The following TIAM2 variants were observed in gnomAD, a reference collection of about 807,000 sequenced individuals.
TIAM2 encodes rho guanine nucleotide exchange factor TIAM2.
In TIAM2, 80 loss-of-function variants were observed where a neutral mutation model predicts 152.9. The ratio of observed to expected loss-of-function variants is 0.52; its 90% CI spans 0.44 to 0.63. The LOEUF is 0.63. Ranked by LOEUF, TIAM2 falls within the 30% of genes least tolerant of loss-of-function variation. The probability of loss-of-function intolerance (pLI) is 0.00; values close to 1 mark genes in which losing one functional copy is unlikely to be tolerated. For synonymous variants in TIAM2, 804 were observed against 838.0 expected (o/e 0.96, Z 0.70); for missense variants, 1,965 against 2,120.1 (o/e 0.93, Z 1.44).
In TIAM2 at chr6:155,076,848, G is replaced by A. The variant is rs141617338; in HGVS notation, c.-208-13441G>A. On this transcript the variant is annotated intron_variant, in intron 1 of 26. Coordinates refer to ENST00000682666, the MANE Select transcript of TIAM2 (RefSeq NM_012454.4). ...GTAGCTGGGATTACATGCGTGTACC[G>A]CCATGCCTGGCTAATTTTTGTATTT... Among the ~76,000 whole-genome samples the A allele has an allele frequency of 1.9e-3, 295 of 152,124 alleles. 15 individuals are homozygous for A. The East Asian group carries it at 0.054, about 28-fold the overall frequency.
At chr6:155,236,835 G>T (rs1337908059) in intron 15 of TIAM2, among the ~76,000 whole-genome samples, 1 of 152,088 alleles carries the variant, frequency 6.6e-6, no homozygotes, top group Non-Finnish European at 1.5e-5. Context: ...CTCCCACTGG[G>T]CCCCTCCCAC....
intron 2 of TIAM2, among the ~76,000 whole-genome samples, chr6:155,112,782 T>G (rs574880815): frequency 1.3e-5 from 2 of 152,260 alleles, no homozygotes; most frequent in East Asian, 3.9e-4. Flanking sequence ...GGAATCATCC[T>G]TGGTGTCACT....
At chr6:155,252,888 C>T (rs1783753986) in intron 23 of TIAM2, 60 bp from the exon 24 acceptor site, 3 of 1,458,442 alleles carry the variant, frequency 2.1e-6, no homozygotes. Context: ...TCACTGTGCA[C>T]ACATCCTCCC....
chr6:155,004,977 T>A, intron 1 of TIAM2: 1 of 352,470 alleles, frequency 2.8e-6, no homozygotes. Flanking sequence ...AGGCAGGCCT[T>A]CACTTACCTT....
chr6:155,201,516 G>A (rs1356833119), intron 14 of TIAM2, among the ~76,000 whole-genome samples: 1 of 152,180 alleles, frequency 6.6e-6, no homozygotes, highest in African/African-American at 2.4e-5. Context: ...CATTGACTGT[G>A]TATTTTTCAC....
chr6:155,159,025 TAAACTA>T (rs953559304), intron 7 of TIAM2, among the ~76,000 whole-genome samples: 36 of 152,338 alleles, frequency 2.4e-4, no homozygotes, highest in African/African-American at 8.4e-4. Flanking sequence ...ACTGAATCTC[TAAACTA>T]ACATACATAA....
intron 1 of TIAM2, among the ~76,000 whole-genome samples, chr6:155,045,058 T>C (rs1166256402): frequency 6.7e-6 from 1 of 148,760 alleles, no homozygotes. Flanking sequence ...TTCTTTTTTT[T>C]TTTTTTTTTT....
intron 14 of TIAM2, among the ~76,000 whole-genome samples, chr6:155,194,039 T>C (rs554443900): frequency 6.6e-6 from 1 of 152,318 alleles, no homozygotes; most frequent in Non-Finnish European, 1.5e-5. Flanking sequence ...GCTGTTCCGA[T>C]ACATATGGAG....
Position 155,244,753 on chromosome 6 carries a change from T to TA in TIAM2, c.3515dup (p.Asn1172LysfsTer10). 1 of 1,613,842 alleles carries TA rather than the reference T, an allele frequency of 6.2e-7. No individual in the cohort carries two copies. The highest frequency in any genetic ancestry group is 8.5e-7 in the Non-Finnish European group (1 of 1,179,846). Reference sequence around the variant, plus strand: ...ATGGGATTTCAGCATCATCTGACTTTAACACCCTAGAAACCCCCTCACAGT... The same window carrying TA: ...ATGGGATTTCAGCATCATCTGACTTTAAACACCCTAGAAACCCCCTCACAGT... On this transcript the variant is annotated frameshift_variant, in exon 18 of 27. Transcript: ENST00000682666. LOFTEE classifies it high-confidence loss of function.
chr6:155,010,258 T>A (rs1778464699), intron 1 of TIAM2, among the ~76,000 whole-genome samples: 1 of 152,108 alleles, frequency 6.6e-6, no homozygotes, highest in Admixed American at 6.6e-5. Context: ...TATAAATAGG[T>A]AGGCAATAAA....
intron 18 of TIAM2, 148 bp from the exon 19 acceptor site, chr6:155,245,475 C>T (rs1445310307): frequency 3.0e-6 from 2 of 668,832 alleles, no homozygotes; most frequent in Non-Finnish European, 2.6e-6. Flanking sequence ...GGCTGTTCCC[C>T]ACCTCCTGTG....
At chr6:155,253,530 G>A in intron 24 of TIAM2, 1 of 174,274 alleles carries the variant, frequency 5.7e-6, no homozygotes, top group Non-Finnish European at 1.2e-5. Context: ...CCAGCAGGCT[G>A]AGTCATGCAG....
chr6:155,250,563 T>C (rs1041474), intron 21 of TIAM2: 567,755 of 1,535,054 alleles, frequency 0.37, 110,099 homozygotes, highest in Middle Eastern at 0.49. Context: ...TCAGAGGTGA[T>C]GGATGTACTA....
rs1554228916 is a variant in TIAM2 at position 155,082,666 on chromosome 6, C to CAATGAATAAATAAATAAATA, written c.-208-7620_-208-7619insGAATAAATAAATAAATAAAT. 9.2e-5 allele frequency among the ~76,000 whole-genome samples: 13 copies of CAATGAATAAATAAATAAATA among 141,376 alleles called. No individual in the cohort carries two copies. In the South Asian group the frequency reaches 2.8e-3, roughly 30 times the overall value. 92.7% of individuals were successfully genotyped at this position (141,376 alleles called of 152,430 possible). On this transcript the variant is annotated intron_variant, in intron 1 of 26. Transcript: ENST00000682666. ...ACTCCATCTCAACCCAAAAAAACCC[C>CAATGAATAAATAAATAAATA]AATAAATAAATAAATAAATAAATAA... is the stretch of plus-strand genomic sequence containing the variant.
rs757743298 is a variant in TIAM2, at chr6:155,176,937, CAG to C, written c.2486_2487del (p.Glu829AlafsTer31). ...CACGGAGTTACTGTAGGGATCAAGC[CAG>C]AGCACAGAGTAGAAGATATTTTGAC... is the stretch of plus-strand genomic sequence containing the variant. On this transcript the variant is annotated frameshift_variant, in exon 10 of 27. Transcript: ENST00000682666. LOFTEE classifies it high-confidence loss of function. The C allele has an allele frequency of 1.2e-6, 2 of 1,613,536 alleles. No homozygotes were observed. The highest frequency in any genetic ancestry group is 1.7e-6 in the Non-Finnish European group (2 of 1,179,888).
chr6:155,177,331 A>G (rs1780782440), intron 10 of TIAM2, among the ~76,000 whole-genome samples: 2 of 152,236 alleles, frequency 1.3e-5, no homozygotes, highest in African/African-American at 4.8e-5. Context: ...ACTTTGAGGT[A>G]ATTTAATTTA....
intron 1 of TIAM2, among the ~76,000 whole-genome samples, chr6:155,025,201 T>TTTG (rs1776574995): frequency 6.7e-6 from 1 of 149,696 alleles, no homozygotes; most frequent in African/African-American, 2.5e-5. Flanking sequence ...TGTATTTTTT[T>TTTG]TTTTTTTTTT....
intron 14 of TIAM2, among the ~76,000 whole-genome samples, chr6:155,203,651 ATTC>A (rs1781532761): frequency 6.6e-6 from 1 of 152,242 alleles, no homozygotes; most frequent in Non-Finnish European, 1.5e-5. Flanking sequence ...TTAGAAAATT[ATTC>A]TTCTGTAGTT....
chr6:155,091,713 C>T (rs1280655367), intron 2 of TIAM2, among the ~76,000 whole-genome samples: 1 of 151,994 alleles, frequency 6.6e-6, no homozygotes, highest in Non-Finnish European at 1.5e-5. Context: ...TTATCATCTA[C>T]ATTGGAATAT....
Sources: gnomAD v4.1 joint callset for allele counts (sites outside exome capture counted in the v4.1 genomes callset) on GRCh38, gnomAD v4.1.1 for gene constraint, MANE v1.5 for transcripts, NCBI Gene and HGNC (gene_info 2026-07-23, HGNC 2026-07-21) for gene names.